Variants in GRIK2 observed in about 807,000 individuals in gnomAD.
GRIK2 encodes the protein glutamate ionotropic receptor kainate type subunit 2.
In GRIK2, 32 loss-of-function variants were observed where a neutral mutation model predicts 100.3. The observed-to-expected ratio is 0.32, with a 90% CI of 0.24 to 0.43. The LOEUF (loss-of-function observed/expected upper bound fraction) is 0.43, where lower values mean the gene tolerates loss of function less well. GRIK2 is among the 20% of genes least tolerant of loss of function. The pLI, the probability that GRIK2 is intolerant of heterozygous loss-of-function variation, is 1.00. For missense variants in GRIK2, 843 were observed against 1,114.9 expected (o/e 0.76, Z 3.47); for synonymous variants, 417 against 389.4 (o/e 1.07, Z -0.83).
chr6:101,866,486 T>C (rs182889883), intron 11 of GRIK2, among the ~76,000 whole-genome samples: 23 of 152,268 alleles, frequency 1.5e-4, no homozygotes, highest in Non-Finnish European at 2.6e-4. Flanking sequence ...GTATTTTCTT[T>C]CCAATTTTGT....
chr6:101,463,164 CATT>C (rs1395718203), intron 2 of GRIK2, among the ~76,000 whole-genome samples: 2 of 152,074 alleles, frequency 1.3e-5, no homozygotes, highest in Non-Finnish European at 2.9e-5. Flanking sequence ...ATTCTGCTAA[CATT>C]ATATAATAGC....
chr6:101,525,724 G>C (rs1029287731), intron 2 of GRIK2, among the ~76,000 whole-genome samples: 3 of 152,142 alleles, frequency 2.0e-5, no homozygotes, highest in Non-Finnish European at 2.9e-5. Flanking sequence ...TAAAAAATAA[G>C]TTCGCTGTGA....
At chr6:101,586,114 G>T (rs1043745856) in intron 2 of GRIK2, among the ~76,000 whole-genome samples, 2 of 151,968 alleles carry the variant, frequency 1.3e-5, no homozygotes, top group Non-Finnish European at 2.9e-5. Context: ...CCTACACCTA[G>T]CCATGTGTGC....
At chr6:101,753,277 C>T (rs1776908558) in intron 7 of GRIK2, among the ~76,000 whole-genome samples, 2 of 128,572 alleles carry the variant, frequency 1.6e-5, no homozygotes, top group South Asian at 2.3e-4. Flanking sequence ...AGCGAGACTC[C>T]GTCTCAAAAA....
At chr6:101,948,387 A>T (rs1301597568) in intron 14 of GRIK2, among the ~76,000 whole-genome samples, 1 of 150,636 alleles carries the variant, frequency 6.6e-6, no homozygotes, top group Non-Finnish European at 1.5e-5. Flanking sequence ...TTTACATCTA[A>T]ATCAGAGCCA....
chr6:101,802,003 A>T (rs1317867868), intron 8 of GRIK2, among the ~76,000 whole-genome samples: 4 of 151,848 alleles, frequency 2.6e-5, no homozygotes, highest in Non-Finnish European at 5.9e-5. Flanking sequence ...TTAATATCTC[A>T]TACACCATAA....
At chr6:101,487,167 C>G (rs1358130757) in intron 2 of GRIK2, among the ~76,000 whole-genome samples, 3 of 146,380 alleles carry the variant, frequency 2.0e-5, no homozygotes, top group Non-Finnish European at 4.5e-5. Flanking sequence ...ATAAGTAATG[C>G]TTTAGTATAT....
intron 16 of GRIK2, among the ~76,000 whole-genome samples, chr6:102,058,232 C>T (rs1771561052): frequency 6.6e-6 from 1 of 151,548 alleles, no homozygotes; most frequent in Non-Finnish European, 1.5e-5. Flanking sequence ...TGTATGGGTG[C>T]CTTTTCACAT....
At chr6:101,742,791 G>A (rs1050017586) in intron 7 of GRIK2, among the ~76,000 whole-genome samples, 1 of 152,086 alleles carries the variant, frequency 6.6e-6, no homozygotes, top group Non-Finnish European at 1.5e-5. Flanking sequence ...AAGAGAATAG[G>A]CTGTAAAATG....
At chr6:101,658,182 T>C (rs143562371) in intron 4 of GRIK2, among the ~76,000 whole-genome samples, 17 of 152,240 alleles carry the variant, frequency 1.1e-4, no homozygotes, top group African/African-American at 3.8e-4. Context: ...ATGAGGTACT[T>C]CTCCTAATAC....
At chr6:101,816,487 C>G (rs1362866430) in intron 9 of GRIK2, among the ~76,000 whole-genome samples, 4 of 152,088 alleles carry the variant, frequency 2.6e-5, no homozygotes, top group Non-Finnish European at 5.9e-5. Flanking sequence ...CGAGACCAAA[C>G]TGGCCAACAT....
chr6:101,950,478 C>G (rs1374304674), intron 14 of GRIK2, among the ~76,000 whole-genome samples: 2 of 152,102 alleles, frequency 1.3e-5, no homozygotes, highest in African/African-American at 4.8e-5. Flanking sequence ...TAACATGGCT[C>G]TTTGGGCCTG....
intron 2 of GRIK2, among the ~76,000 whole-genome samples, chr6:101,569,648 G>A (rs1175029747): frequency 6.6e-6 from 1 of 151,362 alleles, no homozygotes; most frequent in Non-Finnish European, 1.5e-5. Flanking sequence ...AATAGTCCAG[G>A]GAATTCTTTA....
At chr6:102,006,983 A>C (rs1005592528) in intron 14 of GRIK2, among the ~76,000 whole-genome samples, 26 of 152,124 alleles carry the variant, frequency 1.7e-4, no homozygotes, top group Non-Finnish European at 2.8e-4. Flanking sequence ...GTAATTTAGA[A>C]ATACTCCTAA....
intron 9 of GRIK2, 109 bp from the exon 10 acceptor site, chr6:101,818,261 C>A: frequency 1.6e-6 from 1 of 633,218 alleles, no homozygotes; most frequent in East Asian, 2.8e-5. Flanking sequence ...CGGCAGCAGA[C>A]AATGCAGCAA....
chr6:101,933,305 T>C (rs981306203), intron 14 of GRIK2, among the ~76,000 whole-genome samples: 2 of 151,866 alleles, frequency 1.3e-5, no homozygotes, highest in African/African-American at 4.8e-5. Flanking sequence ...TTTTAAATTT[T>C]CTTTTCCTCT....
intron 2 of GRIK2, among the ~76,000 whole-genome samples, chr6:101,400,231 T>A (rs1339242874): frequency 6.6e-6 from 1 of 152,190 alleles, no homozygotes; most frequent in Non-Finnish European, 1.5e-5. Flanking sequence ...TACATTTTTT[T>A]ATGGAAATGT....
At chr6:101,977,179 G>T (rs114837232) in intron 14 of GRIK2, among the ~76,000 whole-genome samples, 281 of 151,676 alleles carry the variant, frequency 1.9e-3, no homozygotes, top group African/African-American at 6.2e-3. Flanking sequence ...TTTTACAAGA[G>T]AGGCTATAAT....
At chr6:101,766,763 T>A (rs1049437751) in intron 7 of GRIK2, among the ~76,000 whole-genome samples, 1 of 152,156 alleles carries the variant, frequency 6.6e-6, no homozygotes, top group African/African-American at 2.4e-5. Flanking sequence ...TTAATTTAGG[T>A]TTGGGCCTTC....
Sources: gnomAD v4.1 joint callset for allele counts (sites outside exome capture counted in the v4.1 genomes callset) on GRCh38, gnomAD v4.1.1 for gene constraint, MANE v1.5 for transcripts, NCBI Gene and HGNC (gene_info 2026-07-23, HGNC 2026-07-21) for gene names.